The following ELMOD1 variants were observed in gnomAD, a reference collection of about 807,000 sequenced individuals.
ELMOD1 encodes the protein ELMO domain containing 1.
A neutral mutation model predicts 46.7 loss-of-function variants in ELMOD1; 21 were observed. The ratio of observed to expected loss-of-function variants is 0.45; its 90% CI spans 0.32 to 0.65. The LOEUF is 0.65. Among genes scored for constraint, ELMOD1 ranks in the 30% least tolerant of loss-of-function variants. ELMOD1 has a pLI of 0.04. For missense variants in ELMOD1, 348 were observed against 407.8 expected (o/e 0.85, Z 1.26); for synonymous variants, 122 against 138.2 (o/e 0.88, Z 0.82).
intron 2 of ELMOD1, among the ~76,000 whole-genome samples, chr11:107,628,387 G>A (rs1055245811): frequency 1.3e-5 from 2 of 151,974 alleles, no homozygotes; most frequent in African/African-American, 4.8e-5. Context: ...GGATGGCCTC[G>A]ATCTCTTGAC....
At chr11:107,601,617 C>CGTTGCCCA (rs2135652152) in intron 1 of ELMOD1, among the ~76,000 whole-genome samples, 1 of 151,702 alleles carries the variant, frequency 6.6e-6, no homozygotes, top group South Asian at 2.1e-4. Flanking sequence ...GGTTTTGCCA[C>CGTTGCCCA]GTTGCCCAAT....
chr11:107,654,079 T>G, intron 9 of ELMOD1, 93 bp from the exon 10 acceptor site: 1 of 1,030,662 alleles, frequency 9.7e-7, no homozygotes. Context: ...CATCTCTGCA[T>G]ATAGTTAACA....
At chr11:107,603,359 C>T (rs1469658241) in intron 1 of ELMOD1, among the ~76,000 whole-genome samples, 1 of 152,056 alleles carries the variant, frequency 6.6e-6, no homozygotes, top group Non-Finnish European at 1.5e-5. Context: ...GCCAACATGG[C>T]AAAACCACAT....
intron 2 of ELMOD1, among the ~76,000 whole-genome samples, chr11:107,620,710 A>T (rs1455760210): frequency 6.6e-6 from 1 of 152,232 alleles, no homozygotes; most frequent in Non-Finnish European, 1.5e-5. Flanking sequence ...CTAAAAATAC[A>T]GAAATTAACT....
intron 6 of ELMOD1, among the ~76,000 whole-genome samples, chr11:107,636,987 G>C (rs1435661804): frequency 6.6e-6 from 1 of 152,222 alleles, no homozygotes; most frequent in East Asian, 1.9e-4. Context: ...AATAGCTGAG[G>C]TTCCCTCAGA....
chr11:107,616,388 G>A (rs946222838), intron 1 of ELMOD1, among the ~76,000 whole-genome samples: 5 of 149,742 alleles, frequency 3.3e-5, no homozygotes, highest in African/African-American at 1.2e-4. Flanking sequence ...TTTTTGTTTG[G>A]TTTGTTTTTG....
intron 5 of ELMOD1, 145 bp from the exon 6 acceptor site, chr11:107,635,491 C>A: frequency 2.5e-6 from 2 of 789,586 alleles, no homozygotes; most frequent in East Asian, 3.0e-5. Flanking sequence ...AAGAATTGTG[C>A]TTCTATTAAA....
intron 1 of ELMOD1, among the ~76,000 whole-genome samples, chr11:107,599,776 A>AG (rs922225752): frequency 2.6e-5 from 4 of 151,420 alleles, no homozygotes; most frequent in African/African-American, 7.3e-5. Flanking sequence ...AAAAAAAAAA[A>AG]AAACTGTATC....
At chr11:107,629,228 T>G (rs371347821) in intron 2 of ELMOD1, among the ~76,000 whole-genome samples, 1 of 152,198 alleles carries the variant, frequency 6.6e-6, no homozygotes, top group Non-Finnish European at 1.5e-5. Flanking sequence ...AGGAACACGG[T>G]CAAGGTTTTG....
At chr11:107,620,832 C>G (rs1190646016) in intron 2 of ELMOD1, among the ~76,000 whole-genome samples, 1 of 152,184 alleles carries the variant, frequency 6.6e-6, no homozygotes, top group Non-Finnish European at 1.5e-5. Context: ...CCACTGCATT[C>G]CAGCCTGGCA....
chr11:107,626,488 C>CCCTT (rs1326092730), intron 2 of ELMOD1, among the ~76,000 whole-genome samples: 1 of 151,446 alleles, frequency 6.6e-6, no homozygotes, highest in African/African-American at 2.4e-5. Flanking sequence ...TTTTCTTTCT[C>CCCTT]CCTTCCTTAT....
intron 10 of ELMOD1, 128 bp from the exon 11 acceptor site, chr11:107,655,805 C>T: frequency 9.9e-7 from 1 of 1,011,922 alleles, no homozygotes; most frequent in East Asian, 2.7e-5. Flanking sequence ...CATAAAGTGA[C>T]TTCCTGACAT....
chr11:107,599,740 C>CAAAAAAAAAAAAA (rs56992146), intron 1 of ELMOD1, among the ~76,000 whole-genome samples: 11 of 91,116 alleles, frequency 1.2e-4, no homozygotes, highest in East Asian at 6.7e-4. Context: ...AGACCTGTCT[C>CAAAAAAAAAAAAA]AAAAAAAAAA....
At chr11:107,647,656 C>T (rs1565387229) in intron 7 of ELMOD1, 55 bp downstream of exon 7, 1 of 1,551,122 alleles carries the variant, frequency 6.4e-7, no homozygotes, top group Non-Finnish European at 8.7e-7. Flanking sequence ...TCTCCTCATA[C>T]TGAAATGGCA....
At chr11:107,641,032 A>G (rs559950512) in intron 6 of ELMOD1, among the ~76,000 whole-genome samples, 1 of 152,080 alleles carries the variant, frequency 6.6e-6, no homozygotes, top group Non-Finnish European at 1.5e-5. Flanking sequence ...AAAGGTTAAT[A>G]TTTCTAACAG....
chr11:107,609,256 G>A (rs1441766702), intron 1 of ELMOD1, among the ~76,000 whole-genome samples: 1 of 152,112 alleles, frequency 6.6e-6, no homozygotes, highest in East Asian at 1.9e-4. Flanking sequence ...ATAAAATTTT[G>A]TTTATAAATG....
At chr11:107,614,222 C>T (rs1264485394) in intron 1 of ELMOD1, among the ~76,000 whole-genome samples, 1 of 152,164 alleles carries the variant, frequency 6.6e-6, no homozygotes, top group Non-Finnish European at 1.5e-5. Flanking sequence ...CTTATCCTGC[C>T]ATTAATATCT....
chr11:107,599,961 A>T (rs997489580), intron 1 of ELMOD1, among the ~76,000 whole-genome samples: 1 of 152,108 alleles, frequency 6.6e-6, no homozygotes, highest in Non-Finnish European at 1.5e-5. Flanking sequence ...TTATAAACCA[A>T]TTCAGGTGCT....
intron 6 of ELMOD1, among the ~76,000 whole-genome samples, chr11:107,638,908 A>G (rs1866274690): frequency 6.6e-6 from 1 of 152,210 alleles, no homozygotes; most frequent in South Asian, 2.1e-4. Flanking sequence ...GCACTCTGGG[A>G]AGCTGAGGCA....
Sources: allele counts gnomAD v4.1 joint callset (sites outside exome capture counted in the v4.1 genomes callset), GRCh38; gene constraint gnomAD v4.1.1; transcripts MANE v1.5; gene names NCBI Gene and HGNC (gene_info 2026-07-23, HGNC 2026-07-21).